Variants in EIF2AK3 observed in about 807,000 individuals in gnomAD.
EIF2AK3 encodes the protein eukaryotic translation initiation factor 2-alpha kinase 3.
A neutral mutation model predicts 113.5 loss-of-function variants in EIF2AK3; 50 were observed. That is an observed-to-expected ratio of 0.44 (90% CI 0.35 to 0.56). The LOEUF is 0.56. Ranked by LOEUF, EIF2AK3 falls within the 20% of genes least tolerant of loss-of-function variation. The pLI, the probability that EIF2AK3 is intolerant of heterozygous loss-of-function variation, is 0.00. For missense variants in EIF2AK3, 1,185 were observed against 1,378.0 expected (o/e 0.86, Z 2.22); for synonymous variants, 448 against 495.4 (o/e 0.90, Z 1.27).
At chr2:88,627,618 G>T (rs1028367776), upstream of EIF2AK3, 2 of 259,228 alleles carry the variant, frequency 7.7e-6, 1 homozygote, top group South Asian at 2.8e-4. Context: ...TCGTAATTTC[G>T]TCGTTCGAGG....
At chr2:88,568,889 T>C (rs1674213142) in intron 14 of EIF2AK3, among the ~76,000 whole-genome samples, 1 of 152,134 alleles carries the variant, frequency 6.6e-6, no homozygotes, top group Non-Finnish European at 1.5e-5. Flanking sequence ...CTTGGATACT[T>C]GACAGAGAGT....
intron 6 of EIF2AK3, among the ~76,000 whole-genome samples, chr2:88,590,138 G>C (rs961701255): frequency 1.3e-5 from 2 of 152,138 alleles, no homozygotes; most frequent in Admixed American, 1.3e-4. Flanking sequence ...AGGAGGCTGA[G>C]GCAGGAGAAT....
intron 10 of EIF2AK3, among the ~76,000 whole-genome samples, chr2:88,580,690 C>T (rs1674577197): frequency 1.3e-5 from 2 of 152,084 alleles, no homozygotes; most frequent in African/African-American, 4.8e-5. Context: ...TCTGATATCC[C>T]TTATAAGGGT....
At position 88,579,581 on chromosome 2, in the gene EIF2AK3, A is replaced by G; in HGVS notation, c.1823T>C (p.Phe608Ser). 6.2e-7 allele frequency: 1 copy of G among 1,613,884 alleles called. No individual in the cohort carries two copies. Among genetic ancestry groups the G allele is most frequent in the Non-Finnish European group, 8.5e-7 (1 of 1,179,846 alleles). ...GTCATCTACTTTGTTTTTAGCTTCAAAAACAACTCCAAAGCCACCACGTCC... is the reference window on the plus strand; with the variant it reads ...GTCATCTACTTTGTTTTTAGCTTCAGAAACAACTCCAAAGCCACCACGTCC... ...CLGRGGFGVV[F>S]EAKNKVDDCN... The change falls in exon 11 of 17, where the codon TTT becomes TCT. Residue 608 changes from phenylalanine (F) to serine (S), a missense_variant. Physicochemically the swap from Phe to Ser is radical, Grantham distance 155. Transcript: ENST00000303236.
chr2:88,623,439 C>G (rs1675782866), intron 1 of EIF2AK3, among the ~76,000 whole-genome samples: 1 of 152,136 alleles, frequency 6.6e-6, no homozygotes, highest in South Asian at 2.1e-4. Flanking sequence ...TAGAATGAAA[C>G]TTGAAAATTC....
At chr2:88,615,490 A>AACCC (rs1675546492) in intron 1 of EIF2AK3, among the ~76,000 whole-genome samples, 1 of 152,230 alleles carries the variant, frequency 6.6e-6, no homozygotes, top group African/African-American at 2.4e-5. Flanking sequence ...TTATAAAAGC[A>AACCC]GCCCCAGAGA....
intron 1 of EIF2AK3, among the ~76,000 whole-genome samples, chr2:88,623,243 T>C (rs1327681150): frequency 1.3e-5 from 2 of 152,180 alleles, no homozygotes; most frequent in African/African-American, 4.8e-5. Flanking sequence ...AACAGTGAGG[T>C]GATGAGACTT....
At chr2:88,576,475 T>A (rs1308283499) in intron 12 of EIF2AK3, 79 bp downstream of exon 12, 3 of 1,562,646 alleles carry the variant, frequency 1.9e-6, no homozygotes, top group Admixed American at 1.8e-5. Flanking sequence ...AAAAAAAAAA[T>A]CCCTAAAGTT....
intron 1 of EIF2AK3, among the ~76,000 whole-genome samples, chr2:88,625,284 T>TACACACACACACACACAC (rs375827301): frequency 1.5e-5 from 2 of 135,148 alleles, no homozygotes; most frequent in African/African-American, 5.3e-5. Flanking sequence ...ATCGCTTACG[T>TACACACACACACACACAC]ACACACACAC....
chr2:88,601,744 A>G (rs1178538954), intron 2 of EIF2AK3, among the ~76,000 whole-genome samples: 5 of 146,148 alleles, frequency 3.4e-5, no homozygotes, highest in East Asian at 4.1e-4. Flanking sequence ...CCATTTTAGT[A>G]TTGCTTGATG....
intron 4 of EIF2AK3, among the ~76,000 whole-genome samples, chr2:88,592,620 G>A (rs59584877): frequency 0.04 from 6,113 of 151,962 alleles, 386 homozygotes; most frequent in African/African-American, 0.14. Flanking sequence ...AAAATTAGCC[G>A]GGCATGGTGG....
intron 14 of EIF2AK3, among the ~76,000 whole-genome samples, chr2:88,567,269 A>G (rs1674159240): frequency 6.6e-6 from 1 of 152,140 alleles, no homozygotes; most frequent in Non-Finnish European, 1.5e-5. Flanking sequence ...GGGATATTTA[A>G]ACACATCTAT....
At chr2:88,595,115 C>T (rs893646900) in intron 3 of EIF2AK3, among the ~76,000 whole-genome samples, 5 of 147,862 alleles carry the variant, frequency 3.4e-5, no homozygotes, top group African/African-American at 1.0e-4. Flanking sequence ...ATCGCTTGAA[C>T]CCACTTGAAC....
At chr2:88,587,709 C>T (rs1283389967) in intron 8 of EIF2AK3, among the ~76,000 whole-genome samples, 1 of 152,130 alleles carries the variant, frequency 6.6e-6, no homozygotes, top group African/African-American at 2.4e-5. Flanking sequence ...GGCCTCACAA[C>T]AACTCAATAC....
intron 14 of EIF2AK3, among the ~76,000 whole-genome samples, chr2:88,567,442 A>G (rs1674167017): frequency 6.6e-6 from 1 of 152,190 alleles, no homozygotes; most frequent in African/African-American, 2.4e-5. Flanking sequence ...ACAAATCCCT[A>G]TTCCCATCTT....
intron 10 of EIF2AK3, among the ~76,000 whole-genome samples, chr2:88,580,596 A>G (rs1425182401): frequency 8.5e-5 from 13 of 152,252 alleles, no homozygotes; most frequent in Admixed American, 6.5e-4. Context: ...TGTATTTCCA[A>G]TGGGTGGGCA....
rs541711142 is a variant in EIF2AK3, at chr2:88,615,280, T to C, written c.309-1427A>G. 2.0e-5 allele frequency among the ~76,000 whole-genome samples: 3 copies of C among 152,334 alleles called. No individual in the cohort carries two copies. The East Asian group carries it at 5.8e-4, about 29-fold the overall frequency. ...ATTCGTGAGGTCTTGCTCCTGCAAATGTCTCCTGTCACTCCCACACCATCA... is the reference window on the plus strand; with the variant it reads ...ATTCGTGAGGTCTTGCTCCTGCAAACGTCTCCTGTCACTCCCACACCATCA... On this transcript the variant is annotated intron_variant, in intron 1 of 16. Transcript: ENST00000303236.
chr2:88,592,619 C>T (rs1018890559), intron 4 of EIF2AK3, among the ~76,000 whole-genome samples: 21 of 151,842 alleles, frequency 1.4e-4, no homozygotes, highest in African/African-American at 4.8e-4. Flanking sequence ...CAAAATTAGC[C>T]GGGCATGGTG....
At position 88,627,092 on chromosome 2, in the gene EIF2AK3, C is replaced by A; in HGVS notation, c.183G>T (p.Ala61=). The change falls in exon 1 of 17, where the codon GCG becomes GCT. Residue 61 remains alanine, a synonymous_variant. Coordinates refer to ENST00000303236, the MANE Select transcript of EIF2AK3 (RefSeq NM_004836.7). ...CCTCGGCCGCAGCCACGGCGCCCGC[C>A]GCCGGTACTCGCGTCGCTGAGGTGG... ...AAPTSATRVP[A]AGAVAAAEVT... is the part of the protein sequence containing the mutation. 6.5e-7 allele frequency: 1 copy of A among 1,548,286 alleles called. No homozygotes were observed. The highest frequency in any genetic ancestry group is 8.7e-7 in the Non-Finnish European group (1 of 1,155,472).
Sources: gnomAD v4.1 joint callset for allele counts (sites outside exome capture counted in the v4.1 genomes callset) on GRCh38, gnomAD v4.1.1 for gene constraint, MANE v1.5 for transcripts, NCBI Gene and HGNC (gene_info 2026-07-23, HGNC 2026-07-21) for gene names.